GRIN2A: variants seen among roughly 807,000 people sequenced by gnomAD.
GRIN2A encodes the protein glutamate ionotropic receptor NMDA type subunit 2A.
A neutral mutation model predicts 113.4 loss-of-function variants in GRIN2A; 22 were observed. The ratio of observed to expected loss-of-function variants is 0.19; its 90% CI spans 0.14 to 0.28. GRIN2A has a LOEUF of 0.28. GRIN2A is among the 10% of genes least tolerant of loss of function. The pLI, the probability that GRIN2A is intolerant of heterozygous loss-of-function variation, is 1.00. For missense variants in GRIN2A, 1,502 were observed against 1,887.0 expected, an observed-to-expected ratio of 0.80 and a Z score of 3.78; for synonymous variants, 827 against 738.4, an observed-to-expected ratio of 1.12 and a Z score of -1.94.
chr16:9,789,168 C>T (rs978285864), intron 11 of GRIN2A, among the ~76,000 whole-genome samples: 2 of 152,226 alleles, frequency 1.3e-5, no homozygotes, highest in African/African-American at 4.8e-5. Flanking sequence ...AATGACTAGG[C>T]TTTACATGTG....
chr16:9,947,432 A>T (rs564850362), intron 2 of GRIN2A, among the ~76,000 whole-genome samples: 1 of 152,378 alleles, frequency 6.6e-6, no homozygotes, highest in Non-Finnish European at 1.5e-5. Flanking sequence ...TCCGGCTATC[A>T]TACATAGAGG....
At chr16:10,066,340 T>A (rs1173240812) in intron 2 of GRIN2A, among the ~76,000 whole-genome samples, 1 of 152,144 alleles carries the variant, frequency 6.6e-6, no homozygotes, top group Non-Finnish European at 1.5e-5. Flanking sequence ...TCTCATCGTG[T>A]CCTTCTGGAA....
At position 9,817,311 on chromosome 16, in the gene GRIN2A, C is replaced by T. The variant is rs976656525; in HGVS notation, c.2168+4953G>A. Among the ~76,000 whole-genome samples, 8 of 152,170 alleles carry T rather than the reference C, an allele frequency of 5.3e-5. No individual in the cohort carries two copies. The South Asian group carries it at 8.3e-4, about 16-fold the overall frequency. Reference sequence around the variant, plus strand: ...CAAAATCACGTGGTGTGGCGTGCTGCGGGGAATGATGCTTATTATAATAAA... The same window carrying T: ...CAAAATCACGTGGTGTGGCGTGCTGTGGGGAATGATGCTTATTATAATAAA... On this transcript the variant is annotated intron_variant, in intron 10 of 12. Transcript: ENST00000330684.
intron 10 of GRIN2A, among the ~76,000 whole-genome samples, chr16:9,819,681 T>G (rs1305291224): frequency 6.6e-6 from 1 of 151,348 alleles, no homozygotes; most frequent in African/African-American, 2.4e-5. Flanking sequence ...AAATGACTTG[T>G]GGCTGGGTGC....
rs529183819 is a variant in GRIN2A, at chr16:10,112,492, C to T, written c.414+67506G>A. 9.1e-6 allele frequency: 8 copies of T among 881,434 alleles called. No homozygotes were observed. In the East Asian group the frequency reaches 9.7e-5, roughly 11 times the overall value. The allele number at this position is 881,434 out of a possible 1,614,324, so 54.6% of individuals were successfully genotyped here. On this transcript the variant is annotated intron_variant, in intron 2 of 12. Transcript: ENST00000330684. ...GATGTGGCATCCAGACCGTGGGGCA[C>T]GTGGTCAAGGCCCTGGCCCTTGGAG... is the stretch of plus-strand genomic sequence containing the variant.
At chr16:9,805,509 C>T (rs1333248894) in intron 10 of GRIN2A, 2 of 152,020 alleles carry the variant, frequency 1.3e-5, no homozygotes, top group Non-Finnish European at 2.9e-5. Flanking sequence ...GGAAGAGGAA[C>T]ACATTAGCAC....
At chr16:10,037,739 C>T (rs1226756016) in intron 2 of GRIN2A, among the ~76,000 whole-genome samples, 2 of 152,148 alleles carry the variant, frequency 1.3e-5, no homozygotes, top group East Asian at 1.9e-4. Flanking sequence ...GATCCTCCCA[C>T]CTCAGCCTCC....
chr16:9,989,935 G>A (rs2046068126), intron 2 of GRIN2A, among the ~76,000 whole-genome samples: 1 of 152,166 alleles, frequency 6.6e-6, no homozygotes, highest in African/African-American at 2.4e-5. Flanking sequence ...CTGCTGGTGG[G>A]AATATAAATT....
At chr16:9,901,094 G>T (rs4468617) in intron 3 of GRIN2A, among the ~76,000 whole-genome samples, 1 of 152,210 alleles carries the variant, frequency 6.6e-6, no homozygotes, top group East Asian at 1.9e-4. Flanking sequence ...CTGGAATATA[G>T]AATTCATAAA....
chr16:10,040,409 ACAC>A lies in GRIN2A; in HGVS notation c.415-101861_415-101859del, dbSNP rs376298636. 8.3e-3 allele frequency among the ~76,000 whole-genome samples: 1,252 copies of A among 151,364 alleles called. 14 individuals are homozygous for A. The highest frequency in any genetic ancestry group is 0.029 in the African/African-American group (1,197 of 41,234). On this transcript the variant is annotated intron_variant, in intron 2 of 12. Transcript: ENST00000330684. ...CCACACCACAAATACACCCACAAAC[ACAC>A]CACCACACACACTCACAAATACATG...
intron 2 of GRIN2A, chr16:10,112,838 G>A: frequency 3.3e-6 from 2 of 604,776 alleles, no homozygotes; most frequent in Non-Finnish European, 6.2e-6. Context: ...CCCAGATCGA[G>A]GGTGGCGTCC....
chr16:9,853,065 T>C (rs1287917711), intron 4 of GRIN2A, among the ~76,000 whole-genome samples: 3 of 152,184 alleles, frequency 2.0e-5, no homozygotes, highest in African/African-American at 7.2e-5. Flanking sequence ...GGAGAAAAGA[T>C]ATCAGAGACA....
chr16:10,107,601 C>A (rs1443550981), intron 2 of GRIN2A, among the ~76,000 whole-genome samples: 1 of 152,192 alleles, frequency 6.6e-6, no homozygotes, highest in Non-Finnish European at 1.5e-5. Context: ...AGACACGCTT[C>A]TGTGAAGAAA....
chr16:9,911,720 C>T (rs981624706), intron 3 of GRIN2A, among the ~76,000 whole-genome samples: 2 of 152,112 alleles, frequency 1.3e-5, no homozygotes, highest in African/African-American at 4.8e-5. Context: ...TGGCCATTTA[C>T]CCATCATGTA....
At chr16:9,949,676 GATGGATGGACAGATAA>G (rs945443330) in intron 2 of GRIN2A, among the ~76,000 whole-genome samples, 6 of 149,994 alleles carry the variant, frequency 4.0e-5, no homozygotes, top group Admixed American at 2.0e-4. Context: ...TGGACAGATG[GATGGATGGACAGATAA>G]ATGGATGGGT....
At chr16:9,838,544 T>C (rs1419503532) in intron 7 of GRIN2A, among the ~76,000 whole-genome samples, 2 of 152,180 alleles carry the variant, frequency 1.3e-5, no homozygotes, top group African/African-American at 4.8e-5. Flanking sequence ...ATGATAGTCA[T>C]CTAGCAAATA....
chr16:9,869,191 T>C (rs1457834517), intron 4 of GRIN2A, among the ~76,000 whole-genome samples: 3 of 152,110 alleles, frequency 2.0e-5, no homozygotes, highest in Non-Finnish European at 4.4e-5. Context: ...TCTCAGCACT[T>C]TGAAGGCAAG....
chr16:9,837,708 C>G (rs2042606500), intron 7 of GRIN2A, among the ~76,000 whole-genome samples: 1 of 152,144 alleles, frequency 6.6e-6, no homozygotes, highest in South Asian at 2.1e-4. Context: ...GAGTGAATGT[C>G]CACTTAAGAA....
chr16:9,815,679 G>A lies in GRIN2A; in HGVS notation c.2168+6585C>T, dbSNP rs187913905. The stretch of plus-strand genomic sequence containing the variant: ...TGGAACCCTTGTGCACTGTTGGTGG[G>A]AATGCAAATGGGACTGTGGAAAACA... On this transcript the variant is annotated intron_variant, in intron 10 of 12. Coordinates refer to ENST00000330684, the MANE Select transcript of GRIN2A (RefSeq NM_001134407.3). Among the ~76,000 whole-genome samples the A allele has an allele frequency of 8.0e-3, 1,219 of 152,288 alleles. 12 individuals are homozygous for A. The highest frequency in any genetic ancestry group is 0.014 in the Middle Eastern group (4 of 294).
Sources: gnomAD v4.1 joint callset for allele counts (sites outside exome capture counted in the v4.1 genomes callset) on GRCh38, gnomAD v4.1.1 for gene constraint, MANE v1.5 for transcripts, NCBI Gene and HGNC (gene_info 2026-07-23, HGNC 2026-07-21) for gene names.